The following MYO1C variants were observed in gnomAD, a reference collection of about 807,000 sequenced individuals.
MYO1C encodes unconventional myosin-Ic.
Under a neutral mutation model 150.8 loss-of-function variants are expected in MYO1C, and 104 were observed. That is an observed-to-expected ratio of 0.69 (90% CI 0.59 to 0.81). MYO1C has a LOEUF of 0.81. Ranked by LOEUF, MYO1C falls within the 30% of genes least tolerant of loss-of-function variation. The pLI is 0.00. For synonymous variants in MYO1C, 663 were observed against 579.9 expected (o/e 1.14, Z -2.06); for missense variants, 1,504 against 1,435.0 (o/e 1.05, Z -0.78).
At chr17:1,477,795 T>C in intron 13 of MYO1C, 96 bp downstream of exon 13, 1 of 1,259,304 alleles carries the variant, frequency 7.9e-7, no homozygotes. Context: ...AGCCCCAAAC[T>C]CTGGCCCTCC....
chr17:1,474,920 C>G lies in MYO1C; in HGVS notation c.1669+18G>C, dbSNP rs765244108. On this transcript the variant is annotated intron_variant, in intron 15 of 31. Coordinates refer to ENST00000648651, the MANE Select transcript of MYO1C (RefSeq NM_001080779.2). ...CTCCCCGCAGGCCCCTGTGGGGACA[C>G]AGCCCCAGGATCCTCACCGGTCACG... The G allele has an allele frequency of 8.7e-6, 14 of 1,609,616 alleles. No individual in the cohort carries two copies. In the South Asian group the frequency reaches 1.2e-4, roughly 14 times the overall value.
intron 1 of MYO1C, among the ~76,000 whole-genome samples, chr17:1,486,708 GT>G (rs1309213244): frequency 6.6e-6 from 1 of 152,072 alleles, no homozygotes; most frequent in Non-Finnish European, 1.5e-5. Context: ...TAGAGACGGG[GT>G]TTTACCATGT....
At chr17:1,489,018 TG>T (rs1234032752) in intron 1 of MYO1C, among the ~76,000 whole-genome samples, 1 of 151,862 alleles carries the variant, frequency 6.6e-6, no homozygotes, top group Non-Finnish European at 1.5e-5. Context: ...GATCTTGCCA[TG>T]GGGTAGGGGT....
intron 25 of MYO1C, 162 bp downstream of exon 25, chr17:1,469,369 T>C (rs2150933367): frequency 1.4e-6 from 1 of 691,348 alleles, no homozygotes; most frequent in Admixed American, 2.1e-5. Context: ...CTGGGGTAAA[T>C]AGAGTAGACC....
chr17:1,470,971 T>C, intron 21 of MYO1C, 100 bp downstream of exon 21: 1 of 1,310,502 alleles, frequency 7.6e-7, no homozygotes, highest in East Asian at 2.4e-5. Flanking sequence ...CTGGAGCTGA[T>C]AGGGAGGGGT....
intron 5 of MYO1C, 50 bp from the exon 6 acceptor site, chr17:1,480,935 G>A (rs775901917): frequency 7.5e-6 from 12 of 1,593,548 alleles, no homozygotes; most frequent in Non-Finnish European, 8.6e-6. Flanking sequence ...TGGGAAAAGA[G>A]CCCACCTGCC....
At chr17:1,473,554 GCTTCC>G (rs1015202851) in intron 17 of MYO1C, among the ~76,000 whole-genome samples, 3 of 152,080 alleles carry the variant, frequency 2.0e-5, no homozygotes, top group African/African-American at 4.8e-5. Context: ...AGGCAGTCTG[GCTTCC>G]ACCTCCCTAT....
intron 22 of MYO1C, 49 bp from the exon 23 acceptor site, chr17:1,470,568 G>GC (rs565178958): frequency 5.7e-6 from 9 of 1,572,616 alleles, no homozygotes; most frequent in South Asian, 1.2e-5. Context: ...TACCATGGTG[G>GC]CCCCCCCTGG....
chr17:1,480,852 G>A lies in MYO1C; in HGVS notation c.661C>T (p.Leu221Phe), dbSNP rs760127296. 15 of 1,614,044 alleles carry A rather than the reference G, an allele frequency of 9.3e-6. No homozygotes were observed. Among genetic ancestry groups the A allele is most frequent in the Admixed American group, 5.0e-5 (3 of 60,004 alleles). Reference sequence around the variant, plus strand: ...TGCACCACTCGTGACTTTTCCAGGAGGTAACTGAGGATGTGGCCACCCACG... The same window carrying A: ...TGCACCACTCGTGACTTTTCCAGGAAGTAACTGAGGATGTGGCCACCCACG... ...APVGGHILSY[L>F]LEKSRVVHQN... The change falls in exon 6 of 32, where the codon CTC (leucine) becomes TTC (phenylalanine). Residue 221 changes from leucine (L) to phenylalanine (F), a missense_variant. Transcript: ENST00000648651.
chr17:1,469,774 C>T (rs183585459), intron 24 of MYO1C, among the ~76,000 whole-genome samples, 160 bp from the exon 25 acceptor site: 593 of 152,322 alleles, frequency 3.9e-3, no homozygotes, highest in Non-Finnish European at 6.2e-3. Context: ...GTGGCTCACG[C>T]CTGGAATCCC....
At chr17:1,488,787 TG>T (rs1309743176) in intron 1 of MYO1C, among the ~76,000 whole-genome samples, 1 of 152,212 alleles carries the variant, frequency 6.6e-6, no homozygotes, top group Non-Finnish European at 1.5e-5. Flanking sequence ...AGAGGTTCCC[TG>T]CAGGCCATGG....
rs1286637884 is a variant in MYO1C, at chr17:1,472,155, C to A, written c.1871G>T (p.Arg624Leu). ...TTTGGCATCATTGGGTTTGATGCAG[C>A]GGACGTAGGCGGGCTCCTTAGACTG... The part of the protein sequence containing the change: ...ILQSKEPAYV[R>L]CIKPNDAKQP... The change falls in exon 18 of 32, where the codon CGC becomes CTC. Residue 624 changes from arginine to leucine, a missense_variant. By Grantham distance (102) the Arg-to-Leu change is moderately radical. Transcript: ENST00000648651. 9 of 1,613,986 alleles carry A rather than the reference C, an allele frequency of 5.6e-6. No individual in the cohort carries two copies. Among genetic ancestry groups the A allele is most frequent in the Non-Finnish European group, 7.6e-6 (9 of 1,179,996 alleles).
At chr17:1,487,266 G>C (rs919009103) in intron 1 of MYO1C, among the ~76,000 whole-genome samples, 3 of 152,226 alleles carry the variant, frequency 2.0e-5, no homozygotes, top group African/African-American at 7.2e-5. Flanking sequence ...CTTCCGATCC[G>C]GTGGGGAGAG....
chr17:1,468,809 G>A, intron 25 of MYO1C: 1 of 483,522 alleles, frequency 2.1e-6, no homozygotes, highest in South Asian at 2.1e-5. Flanking sequence ...GGTCTTGTAA[G>A]CAGCAGATCA....
chr17:1,471,019 C>T, intron 21 of MYO1C, 52 bp downstream of exon 21: 1 of 1,587,090 alleles, frequency 6.3e-7, no homozygotes, highest in East Asian at 2.2e-5. Context: ...AGTGACTTCC[C>T]TGCTTCCCAG....
Position 1,482,481 on chromosome 17 carries a change from G to C in MYO1C, c.624C>G (p.Phe208Leu). The C allele has an allele frequency of 6.2e-7, 1 of 1,613,826 alleles. No homozygotes were observed. Among genetic ancestry groups the C allele is most frequent in the Non-Finnish European group, 8.5e-7 (1 of 1,179,754 alleles). ...ACGACACACACATCCATGGTACCTT[G>C]AAGTCAAACTGCACATCCATGTACT... is the stretch of plus-strand genomic sequence containing the variant. ...FGKYMDVQFD[F>L]KGAPVGGHIL... The change falls in exon 5 of 32, where the codon TTC (phenylalanine) becomes TTG (leucine). Residue 208 changes from phenylalanine (F) to leucine (L), a missense_variant. Transcript: ENST00000648651.
chr17:1,475,875 A>G (rs1330672519), intron 14 of MYO1C, among the ~76,000 whole-genome samples: 3 of 152,238 alleles, frequency 2.0e-5, no homozygotes, highest in Non-Finnish European at 4.4e-5. Context: ...CGCTCCAGGA[A>G]GTGTTCTGAG....
Position 1,471,103 on chromosome 17 carries a change from T to C in MYO1C, c.2180A>G (p.Glu727Gly), listed in dbSNP as rs150082433. The C allele has an allele frequency of 3.0e-4, 479 of 1,614,138 alleles. No homozygotes were observed. Among genetic ancestry groups the C allele is most frequent in the Non-Finnish European group, 3.7e-4 (439 of 1,179,996 alleles). ...CTGCCGCCGGACCTCCAGGGCATCC[T>C]CTGTGGCAAACAGGGTCTTGGGGAA... ...IRFPKTLFAT[E>G]DALEVRRQSL... Residue 727 changes from glutamate (E) to glycine (G), a missense_variant, in exon 21 of 32, where the codon GAG becomes GGG. Glu to Gly is a moderately conservative substitution (Grantham distance 98, BLOSUM62 -2). Transcript: ENST00000648651.
At chr17:1,467,648 T>TC in intron 29 of MYO1C, 71 bp from the exon 30 acceptor site, 4 of 888,796 alleles carry the variant, frequency 4.5e-6, no homozygotes, top group Non-Finnish European at 5.8e-6. Flanking sequence ...CACCTCCCCA[T>TC]CCACCTCCTG....
Sources: gnomAD v4.1 joint callset for allele counts (sites outside exome capture counted in the v4.1 genomes callset) on GRCh38, gnomAD v4.1.1 for gene constraint, MANE v1.5 for transcripts, NCBI Gene and HGNC (gene_info 2026-07-23, HGNC 2026-07-21) for gene names.